The following SMURF2 variants were observed in gnomAD, a reference collection of about 807,000 sequenced individuals.
SMURF2 encodes SMAD specific E3 ubiquitin protein ligase 2.
Under a neutral mutation model 109.6 loss-of-function variants are expected in SMURF2, and 48 were observed. That is an observed-to-expected ratio of 0.44 (90% CI 0.35 to 0.56). SMURF2 has a LOEUF of 0.56. Ranked by LOEUF, SMURF2 falls within the 20% of genes least tolerant of loss-of-function variation. The pLI is 0.01. For synonymous variants in SMURF2, 288 were observed against 317.1 expected, an observed-to-expected ratio of 0.91 and a Z score of 0.97; for missense variants, 575 against 909.0, an observed-to-expected ratio of 0.63 and a Z score of 4.72.
At chr17:64,629,200 A>G (rs1970305886) in intron 1 of SMURF2, among the ~76,000 whole-genome samples, 1 of 152,216 alleles carries the variant, frequency 6.6e-6, no homozygotes, top group Admixed American at 6.5e-5. Context: ...CAGATCAGGT[A>G]TCACTAATCA....
Position 64,555,088 on chromosome 17 carries a change from A to G in SMURF2, c.1611-95T>C, listed in dbSNP as rs1000637953. ...GGTGAGATAAAACTAAGATCATTTT[A>G]TAATATAACAAATGTGAGGTCAGAT... On this transcript the variant is annotated intron_variant, in intron 14 of 18. Coordinates refer to ENST00000262435, the MANE Select transcript of SMURF2 (RefSeq NM_022739.4). The G allele has an allele frequency of 2.1e-5, 25 of 1,196,140 alleles. No individual in the cohort carries two copies. In the African/African-American group the frequency reaches 2.8e-4, roughly 13 times the overall value. 74.1% of individuals were successfully genotyped at this position (1,196,140 alleles called of 1,614,324 possible). A position where few individuals can be genotyped will look rare whatever the true frequency, so the allele number is the denominator to read the frequency against.
At chr17:64,586,750 CAAAAAAAAAA>C (rs782490512) in intron 5 of SMURF2, among the ~76,000 whole-genome samples, 3 of 27,462 alleles carry the variant, frequency 1.1e-4, no homozygotes, top group African/African-American at 3.8e-4. Context: ...GACTCCGTCT[CAAAAAAAAAA>C]AAAAAAAAAA....
At chr17:64,569,786 A>C (rs1434978643) in intron 10 of SMURF2, among the ~76,000 whole-genome samples, 1 of 152,260 alleles carries the variant, frequency 6.6e-6, no homozygotes, top group Admixed American at 6.5e-5. Flanking sequence ...ACCTTTATAC[A>C]TTAAAGTTGA....
intron 1 of SMURF2, chr17:64,660,616 C>G (rs1276841916): frequency 6.6e-6 from 1 of 152,262 alleles, no homozygotes; most frequent in African/African-American, 2.4e-5. Flanking sequence ...ATGTGACACA[C>G]AGGCATTTAA....
intron 10 of SMURF2, among the ~76,000 whole-genome samples, chr17:64,568,288 G>A (rs938900546): frequency 3.5e-4 from 53 of 152,276 alleles, no homozygotes; most frequent in African/African-American, 1.3e-3. Context: ...ACTATGCCTT[G>A]CCCACATAAT....
At chr17:64,661,624 C>T (rs1292754867) in intron 1 of SMURF2, among the ~76,000 whole-genome samples, 2 of 152,132 alleles carry the variant, frequency 1.3e-5, no homozygotes, top group Non-Finnish European at 2.9e-5. Flanking sequence ...CACCACCCCC[C>T]GCCCCGAGTC....
At chr17:64,618,936 C>T (rs931141522) in intron 1 of SMURF2, among the ~76,000 whole-genome samples, 4 of 152,086 alleles carry the variant, frequency 2.6e-5, no homozygotes. Context: ...CTGGTGCTAT[C>T]CCTTATGAAC....
At chr17:64,566,215 ATTTAAAATTAGTGCCTTATGAATCTT>A (rs530158242) in intron 10 of SMURF2, among the ~76,000 whole-genome samples, 2,532 of 152,190 alleles carry the variant, frequency 0.017, 40 homozygotes, top group Middle Eastern at 0.062. Context: ...AACTGTTATA[ATTTAAAATTAGTGCCTTATGAATCTT>A]TTTAAAACTA....
chr17:64,622,548 T>C (rs1199292054), intron 1 of SMURF2, among the ~76,000 whole-genome samples: 1 of 152,176 alleles, frequency 6.6e-6, no homozygotes, highest in African/African-American at 2.4e-5. Context: ...ATTGGTAAGG[T>C]ATTTTGTGGA....
chr17:64,570,068 T>A (rs1425229148), intron 10 of SMURF2, among the ~76,000 whole-genome samples: 1 of 152,194 alleles, frequency 6.6e-6, no homozygotes, highest in Admixed American at 6.5e-5. Context: ...GCCAGGATAA[T>A]TATACATATT....
chr17:64,622,906 C>T (rs1445410130), intron 1 of SMURF2, among the ~76,000 whole-genome samples: 1 of 152,162 alleles, frequency 6.6e-6, no homozygotes, highest in East Asian at 1.9e-4. Flanking sequence ...GGAGATTTGT[C>T]TATCCCCTAT....
rs781999790 is a variant in SMURF2 at position 64,547,697 on chromosome 17, T to C, written c.1974A>G (p.Lys658=). 6.2e-7 allele frequency: 1 copy of C among 1,614,232 alleles called. No homozygotes were observed. The highest frequency in any genetic ancestry group is 8.5e-7 in the Non-Finnish European group (1 of 1,180,032). The part of the protein sequence containing the change: ...PDSNIVKWFW[K]AVEFFDEERR... ...GCTCTTCATCAAAAAACTCCACAGC[T>C]TTCCAGAACCATTTGACAATGTTGC... Residue 658 remains lysine, a synonymous_variant, in exon 17 of 19, where the codon AAA becomes AAG. Coordinates refer to ENST00000262435, the MANE Select transcript of SMURF2 (RefSeq NM_022739.4). The surrounding 1 kb of genome is among the most constrained non-coding windows in gnomAD (Gnocchi z 4.2).
rs183626505 is a variant in SMURF2, at chr17:64,593,470, T to A, written c.304A>T (p.Asn102Tyr). Residue 102 changes from asparagine (N) to tyrosine (Y), a missense_variant, in exon 4 of 19, where the codon AAT becomes TAT. Coordinates refer to ENST00000262435, the MANE Select transcript of SMURF2 (RefSeq NM_022739.4). ...GTGTCTTTGAGGCGGTTGATGGCAT[T>A]GGAAAGAAGACGAACACAACCGAGA... The part of the protein sequence containing the change: ...GFLGCVRLLS[N>Y]AINRLKDTGY... 6.2e-7 allele frequency: 1 copy of A among 1,610,422 alleles called. No individual in the cohort carries two copies.
intron 1 of SMURF2, among the ~76,000 whole-genome samples, chr17:64,637,098 C>A (rs1970427238): frequency 6.6e-6 from 1 of 151,550 alleles, no homozygotes; most frequent in South Asian, 2.1e-4. Context: ...TGACAGAATC[C>A]AATCCAAAGT....
At chr17:64,611,871 A>G (rs148067664) in intron 1 of SMURF2, among the ~76,000 whole-genome samples, 168 of 151,966 alleles carry the variant, frequency 1.1e-3, no homozygotes, top group African/African-American at 3.9e-3. Context: ...CACCTCTCTG[A>G]CCTCATTTTT....
At chr17:64,620,247 T>C (rs1366579881) in intron 1 of SMURF2, among the ~76,000 whole-genome samples, 1 of 152,236 alleles carries the variant, frequency 6.6e-6, no homozygotes, top group Non-Finnish European at 1.5e-5. Context: ...TATTTTACAA[T>C]GTGCCAAAAA....
chr17:64,617,777 CA>C (rs1375116070), intron 1 of SMURF2, among the ~76,000 whole-genome samples: 1 of 152,104 alleles, frequency 6.6e-6, no homozygotes, highest in Non-Finnish European at 1.5e-5. Flanking sequence ...CCTCAGTTAA[CA>C]AATTTAAAAT....
intron 1 of SMURF2, among the ~76,000 whole-genome samples, chr17:64,647,681 A>G (rs1429467769): frequency 9.3e-6 from 1 of 108,074 alleles, no homozygotes; most frequent in African/African-American, 4.7e-5. Flanking sequence ...ACTCTGTCTA[A>G]AAAAAAAAAA....
chr17:64,639,126 T>C (rs946244326), intron 1 of SMURF2, among the ~76,000 whole-genome samples: 1 of 152,262 alleles, frequency 6.6e-6, no homozygotes, highest in Non-Finnish European at 1.5e-5. Context: ...ATGCTAGTTA[T>C]ATATGTGTGT....
Sources: allele counts gnomAD v4.1 joint callset (sites outside exome capture counted in the v4.1 genomes callset), GRCh38; gene constraint gnomAD v4.1.1; non-coding constraint Gnocchi (gnomAD v3.1); transcripts MANE v1.5; gene names NCBI Gene and HGNC (gene_info 2026-07-23, HGNC 2026-07-21).